Variants in SBF2 observed in about 807,000 individuals in gnomAD.
SBF2 encodes the protein SET binding factor 2, also known as myotubularin-related protein 13.
SBF2 carries 112 observed loss-of-function variants against 225.2 expected under a neutral mutation model. That is an observed-to-expected ratio of 0.50 (90% CI 0.43 to 0.58). SBF2 has a LOEUF of 0.58. SBF2 is among the 20% of genes least tolerant of loss of function. The pLI is 0.00. For synonymous variants in SBF2, 763 were observed against 773.3 expected (o/e 0.99, Z 0.22); for missense variants, 1,996 against 2,206.2 (o/e 0.90, Z 1.91).
chr11:9,786,692 T>G (rs1354484361), intron 36 of SBF2, among the ~76,000 whole-genome samples: 4 of 152,206 alleles, frequency 2.6e-5, no homozygotes, highest in East Asian at 1.9e-4. Context: ...CTCTACCAGT[T>G]GCCACTGTAT....
chr11:10,072,734 C>CT (rs912346358), intron 2 of SBF2, among the ~76,000 whole-genome samples: 7,309 of 120,274 alleles, frequency 0.061, 251 homozygotes, highest in South Asian at 0.13. Flanking sequence ...TTTTTTTTTT[C>CT]TTTTTTTTTT....
chr11:10,113,436 T>C (rs1200546579), intron 2 of SBF2, among the ~76,000 whole-genome samples: 1 of 152,240 alleles, frequency 6.6e-6, no homozygotes, highest in Non-Finnish European at 1.5e-5. Context: ...TATTTTTCTA[T>C]AGCAATTATG....
At chr11:10,073,204 C>A (rs1015719778) in intron 2 of SBF2, among the ~76,000 whole-genome samples, 4 of 151,964 alleles carry the variant, frequency 2.6e-5, no homozygotes, top group African/African-American at 9.7e-5. Context: ...TCAATAAAGG[C>A]TTATCTGAAG....
At chr11:9,812,047 A>G (rs1854217166) in intron 30 of SBF2, among the ~76,000 whole-genome samples, 1 of 151,908 alleles carries the variant, frequency 6.6e-6, no homozygotes, top group Non-Finnish European at 1.5e-5. Context: ...TTTTTTTTCA[A>G]GCCTTAGGTA....
chr11:10,066,178 C>T (rs1354323265), intron 2 of SBF2, among the ~76,000 whole-genome samples: 2 of 151,984 alleles, frequency 1.3e-5, no homozygotes, highest in African/African-American at 4.8e-5. Context: ...TACCCAAACT[C>T]TTCTAAAAAA....
Position 9,824,997 on chromosome 11 carries a change from G to A in SBF2, c.3793+4359C>T, listed in dbSNP as rs982237815. Among the ~76,000 whole-genome samples the A allele has an allele frequency of 9.2e-5, 14 of 152,252 alleles. No individual in the cohort carries two copies. The South Asian group carries it at 1.9e-3, about 20-fold the overall frequency. On this transcript the variant is annotated intron_variant, in intron 28 of 39. Transcript: ENST00000256190. ...AAAGAAATGATGAGAAGAACGAAGC[G>A]TGTATCTTAAACTTTAAAATAATAG...
intron 1 of SBF2, among the ~76,000 whole-genome samples, chr11:10,268,215 T>C (rs569569320): frequency 2.0e-5 from 3 of 152,316 alleles, no homozygotes; most frequent in Admixed American, 6.5e-5. Flanking sequence ...ACAAAGGACA[T>C]AGTTTTACCT....
chr11:9,892,933 T>A, intron 17 of SBF2, among the ~76,000 whole-genome samples: 1 of 152,250 alleles, frequency 6.6e-6, no homozygotes, highest in South Asian at 2.1e-4. Context: ...TTAAAAATTA[T>A]CTGCAGTATT....
chr11:9,939,780 G>T (rs1865140406), intron 16 of SBF2, among the ~76,000 whole-genome samples: 1 of 152,106 alleles, frequency 6.6e-6, no homozygotes, highest in South Asian at 2.1e-4. Flanking sequence ...GTATATACAA[G>T]GATGTTTGTT....
Position 9,898,700 on chromosome 11 carries a change from C to T in SBF2, c.1861-2689G>A, listed in dbSNP as rs180948575. Among the ~76,000 whole-genome samples the T allele has an allele frequency of 1.4e-4, 21 of 152,132 alleles. No homozygotes were observed. In the East Asian group the frequency reaches 4.1e-3, roughly 29 times the overall value. On this transcript the variant is annotated intron_variant, in intron 16 of 39. Transcript: ENST00000256190. ...AAAAGGATTATAAGATAAATCTCAG[C>T]AGTAAAAAGTCATTCTCATATGGCT...
chr11:10,129,071 G>T (rs1306918763), intron 2 of SBF2, among the ~76,000 whole-genome samples: 1 of 143,212 alleles, frequency 7.0e-6, no homozygotes, highest in East Asian at 2.0e-4. Flanking sequence ...TGAGAAAAAT[G>T]GTTTTGTTAT....
chr11:9,799,175 A>G lies in SBF2; in HGVS notation c.4444-3218T>C, dbSNP rs183197842. On this transcript the variant is annotated intron_variant, in intron 32 of 39. Coordinates refer to ENST00000256190, the MANE Select transcript of SBF2 (RefSeq NM_030962.4). Reference sequence around the variant, plus strand: ...ATGATCTTAAGTTGAACTTACAGGCATTTCAGGGAGATCATGTGCTCAGAT... The same window carrying G: ...ATGATCTTAAGTTGAACTTACAGGCGTTTCAGGGAGATCATGTGCTCAGAT... 2.1e-3 allele frequency among the ~76,000 whole-genome samples: 326 copies of G among 152,292 alleles called. 2 individuals carry two copies. Among genetic ancestry groups the G allele is most frequent in the Non-Finnish European group, 3.4e-3 (230 of 68,014 alleles).
chr11:9,885,772 G>GT (rs1432375321), intron 17 of SBF2, among the ~76,000 whole-genome samples: 1 of 152,084 alleles, frequency 6.6e-6, no homozygotes, highest in African/African-American at 2.4e-5. Context: ...TTTTAAATGT[G>GT]TATGTCAGGA....
chr11:10,056,109 T>G (rs1256321071), intron 2 of SBF2, among the ~76,000 whole-genome samples: 1 of 152,132 alleles, frequency 6.6e-6, no homozygotes, highest in Non-Finnish European at 1.5e-5. Context: ...AAGAAAAGTT[T>G]TTGTACCAAT....
At chr11:10,223,481 G>A (rs1050058775) in intron 1 of SBF2, among the ~76,000 whole-genome samples, 4 of 131,146 alleles carry the variant, frequency 3.1e-5, no homozygotes, top group Non-Finnish European at 4.8e-5. Flanking sequence ...AAAAGAAAAC[G>A]TTTTAAAATC....
In SBF2 at chr11:9,903,520, T is replaced by C. The variant is rs375299110; in HGVS notation, c.1861-7509A>G. On this transcript the variant is annotated intron_variant, in intron 16 of 39. Transcript: ENST00000256190. ...ATTCTTGCCTCCTCAGAAGAAAGAA[T>C]TGGACTGAGGGGCATAAGGCATAAA... 8.5e-5 allele frequency among the ~76,000 whole-genome samples: 13 copies of C among 152,200 alleles called. No individual in the cohort carries two copies. In the East Asian group the frequency reaches 1.2e-3, roughly 14 times the overall value.
At chr11:9,826,729 ATATGTG>A (rs111630219) in intron 28 of SBF2, among the ~76,000 whole-genome samples, 40,486 of 146,402 alleles carry the variant, frequency 0.28, 5,999 homozygotes, top group African/African-American at 0.44. Flanking sequence ...ATATATATAT[ATATGTG>A]TGTGTGTGTG....
At chr11:10,279,901 G>A (rs1030210958) in intron 1 of SBF2, among the ~76,000 whole-genome samples, 2 of 151,832 alleles carry the variant, frequency 1.3e-5, no homozygotes, top group African/African-American at 2.4e-5. Context: ...CGCCCACCTC[G>A]GCCTCCCAAA....
At chr11:10,196,862 A>ATTTTTT (rs1208099879) in intron 1 of SBF2, among the ~76,000 whole-genome samples, 7 of 22,028 alleles carry the variant, frequency 3.2e-4, no homozygotes, top group Non-Finnish European at 6.0e-4. Context: ...ATATATATAT[A>ATTTTTT]TATATTTTTT....
Sources: allele counts gnomAD v4.1 joint callset (sites outside exome capture counted in the v4.1 genomes callset), GRCh38; gene constraint gnomAD v4.1.1; transcripts MANE v1.5; gene names NCBI Gene and HGNC (gene_info 2026-07-23, HGNC 2026-07-21).